GNAI3: variants seen among roughly 807,000 people sequenced by gnomAD.
GNAI3 encodes the protein G protein subunit alpha i3, also known as guanine nucleotide-binding protein G(i) subunit alpha-3.
A neutral mutation model predicts 41.8 loss-of-function variants in GNAI3; 12 were observed. That is an observed-to-expected ratio of 0.29 (90% CI 0.18 to 0.47). The LOEUF (loss-of-function observed/expected upper bound fraction) is 0.47. Ranked by LOEUF, GNAI3 falls within the 20% of genes least tolerant of loss-of-function variation. The probability of loss-of-function intolerance (pLI) is 1.00; values close to 1 mark genes in which losing one functional copy is unlikely to be tolerated. For synonymous variants in GNAI3, 132 were observed against 146.5 expected (o/e 0.90, Z 0.71); for missense variants, 360 against 429.6 (o/e 0.84, Z 1.43).
In GNAI3 at chr1:109,597,459, T is replaced by G. The variant is rs1222087435; in HGVS notation, c.*5137T>G. On this transcript the variant is annotated 3_prime_UTR_variant, in exon 9 of 9. Transcript: ENST00000369851. ...CCTGGGCGACAGAGTGAGTCTGTTT[T>G]TTTTTTGTTTTTTTTTAAAGTCAAC... 2.6e-5 allele frequency: 4 copies of G among 151,920 alleles called. No homozygotes were observed. Among genetic ancestry groups the G allele is most frequent in the Non-Finnish European group, 5.9e-5 (4 of 67,946 alleles). 9.4% of individuals were successfully genotyped at this position (151,920 alleles called of 1,614,324 possible).
At chr1:109,549,210 T>C (rs1287399787) in intron 1 of GNAI3, among the ~76,000 whole-genome samples, 4 of 152,144 alleles carry the variant, frequency 2.6e-5, no homozygotes, top group African/African-American at 7.2e-5. Context: ...GAGAACGGCA[T>C]AGAGTATATG....
chr1:109,554,348 C>G (rs1188883497), intron 1 of GNAI3, among the ~76,000 whole-genome samples: 1 of 152,184 alleles, frequency 6.6e-6, no homozygotes. Flanking sequence ...TTCCCACCAA[C>G]AGCGTGAAGG....
At chr1:109,586,631 C>A in intron 6 of GNAI3, 98 bp from the exon 7 acceptor site, 1 of 829,974 alleles carries the variant, frequency 1.2e-6, no homozygotes, top group Non-Finnish European at 1.9e-6. Flanking sequence ...TCCGTGAATG[C>A]CATTTAGTGC....
intron 6 of GNAI3, 125 bp from the exon 7 acceptor site, chr1:109,586,604 T>C (rs1443264519): frequency 6.8e-6 from 5 of 730,022 alleles, no homozygotes; most frequent in Admixed American, 2.9e-5. Context: ...CTTTATCTTA[T>C]TGGTGTTTGA....
intron 7 of GNAI3, among the ~76,000 whole-genome samples, chr1:109,589,962 T>TA (rs1407337165): frequency 1.3e-5 from 2 of 152,346 alleles, no homozygotes; most frequent in South Asian, 2.1e-4. Flanking sequence ...AAATATCTGT[T>TA]ATGTTAATTT....
chr1:109,564,043 T>G (rs1293655424), intron 1 of GNAI3, among the ~76,000 whole-genome samples: 7 of 147,546 alleles, frequency 4.7e-5, no homozygotes, highest in Admixed American at 2.0e-4. Context: ...TTTTGTGTGT[T>G]TTTTTTTTTT....
At chr1:109,589,070 G>A (rs1282218942) in intron 7 of GNAI3, among the ~76,000 whole-genome samples, 1 of 152,126 alleles carries the variant, frequency 6.6e-6, no homozygotes, top group Non-Finnish European at 1.5e-5. Flanking sequence ...CTCATGGACA[G>A]TTATATTCGA....
At chr1:109,549,379 C>A (rs868640498) in intron 1 of GNAI3, among the ~76,000 whole-genome samples, 7 of 151,948 alleles carry the variant, frequency 4.6e-5, no homozygotes, top group Non-Finnish European at 7.4e-5. Flanking sequence ...TTGGAAGAAC[C>A]CTGGATTATC....
intron 1 of GNAI3, among the ~76,000 whole-genome samples, chr1:109,550,227 G>T (rs1271651643): frequency 6.6e-6 from 1 of 152,208 alleles, no homozygotes; most frequent in Non-Finnish European, 1.5e-5. Context: ...GTCTCTTCGT[G>T]TGAACATATT....
At chr1:109,567,687 C>T (rs1475198520) in intron 1 of GNAI3, among the ~76,000 whole-genome samples, 1 of 152,090 alleles carries the variant, frequency 6.6e-6, no homozygotes, top group Non-Finnish European at 1.5e-5. Context: ...CATCAGTATC[C>T]AAGTTGTTAT....
chr1:109,551,232 T>G (rs1233889787), intron 1 of GNAI3, among the ~76,000 whole-genome samples: 1 of 152,244 alleles, frequency 6.6e-6, no homozygotes, highest in East Asian at 1.9e-4. Context: ...CAAATTCAAA[T>G]AGGTTGCAGA....
intron 7 of GNAI3, among the ~76,000 whole-genome samples, chr1:109,588,562 G>A (rs941230083): frequency 6.6e-6 from 1 of 152,034 alleles, no homozygotes; most frequent in African/African-American, 2.4e-5. Context: ...TTCCAGAGAA[G>A]GGGAACTCTT....
chr1:109,565,029 G>A lies in GNAI3; in HGVS notation c.119-8708G>A, dbSNP rs570331790. ...TGTAATCCTAGCACTTTGGGAGGCC[G>A]AGGCTGGTGGATCATGAGGTCAAGA... On this transcript the variant is annotated intron_variant, in intron 1 of 8. Coordinates refer to ENST00000369851, the MANE Select transcript of GNAI3 (RefSeq NM_006496.4). Among the ~76,000 whole-genome samples, 8 of 152,134 alleles carry A rather than the reference G, an allele frequency of 5.3e-5. No homozygotes were observed. The South Asian group carries it at 1.7e-3, about 32-fold the overall frequency.
At chr1:109,566,236 G>T (rs1205516633) in intron 1 of GNAI3, among the ~76,000 whole-genome samples, 2 of 152,174 alleles carry the variant, frequency 1.3e-5, no homozygotes, top group Non-Finnish European at 2.9e-5. Context: ...ATATGTAGAG[G>T]CTTGTCATGT....
intron 1 of GNAI3, among the ~76,000 whole-genome samples, chr1:109,557,367 A>G (rs1432844735): frequency 1.3e-5 from 2 of 152,294 alleles, no homozygotes; most frequent in Non-Finnish European, 2.9e-5. Context: ...GGTCCTAACC[A>G]TATGGTCTTT....
intron 1 of GNAI3, among the ~76,000 whole-genome samples, chr1:109,568,745 A>G (rs1648520255): frequency 6.6e-6 from 1 of 152,176 alleles, no homozygotes; most frequent in Admixed American, 6.5e-5. Flanking sequence ...GTGCAGTAGC[A>G]CAGTTGTAAC....
At chr1:109,548,890 T>C (rs1432618947) in intron 1 of GNAI3, 52 bp downstream of exon 1, 19 of 1,213,646 alleles carry the variant, frequency 1.6e-5, no homozygotes, top group Non-Finnish European at 2.3e-5. Flanking sequence ...CCTAGGCGCT[T>C]GGAAGGCCTG....
In GNAI3 at chr1:109,598,695, A is replaced by T. The variant is rs1341094136; in HGVS notation, c.*6373A>T. ...AGGTCTTTGCTTTGTTTTACATTTA[A>T]ATCCAGCTGTCTATTTTCTGCTTAT... On this transcript the variant is annotated 3_prime_UTR_variant, in exon 9 of 9. Transcript: ENST00000369851. 4.2e-6 allele frequency: 1 copy of T among 239,616 alleles called. No homozygotes were observed. The highest frequency in any genetic ancestry group is 9.0e-6 in the Non-Finnish European group (1 of 111,290). The allele number at this position is 239,616 out of a possible 1,614,324, so 14.8% of individuals were successfully genotyped here.
intron 1 of GNAI3, among the ~76,000 whole-genome samples, chr1:109,572,292 A>C (rs1165707291): frequency 6.6e-6 from 1 of 152,244 alleles, no homozygotes; most frequent in South Asian, 2.1e-4. Flanking sequence ...CCTGGGCTAC[A>C]GAGCGGGACT....
Sources: gnomAD v4.1 joint callset for allele counts (sites outside exome capture counted in the v4.1 genomes callset) on GRCh38, gnomAD v4.1.1 for gene constraint, MANE v1.5 for transcripts, NCBI Gene and HGNC (gene_info 2026-07-23, HGNC 2026-07-21) for gene names.